ATF7IP: variants seen among roughly 807,000 people sequenced by gnomAD.
ATF7IP encodes activating transcription factor 7-interacting protein 1.
ATF7IP carries 23 observed loss-of-function variants against 106.4 expected under a neutral mutation model. The ratio of observed to expected loss-of-function variants is 0.22; its 90% CI spans 0.16 to 0.31. The LOEUF (loss-of-function observed/expected upper bound fraction) is 0.31. ATF7IP is among the 10% of genes least tolerant of loss of function. The pLI is 1.00. For missense variants in ATF7IP, 1,334 were observed against 1,524.3 expected (o/e 0.88, Z 2.08); for synonymous variants, 542 against 539.0 (o/e 1.01, Z -0.08).
chr12:14,438,309 T>C (rs759362057), intron 5 of ATF7IP, 42 bp downstream of exon 5: 3 of 1,482,998 alleles, frequency 2.0e-6, no homozygotes, highest in Admixed American at 2.1e-5. Flanking sequence ...TGTGTCATTG[T>C]TTTTATAACT....
chr12:14,457,111 CT>C, intron 7 of ATF7IP, 95 bp from the exon 8 acceptor site: 29 of 1,062,140 alleles, frequency 2.7e-5, no homozygotes, highest in Non-Finnish European at 3.5e-5. Context: ...TCTAGCCACC[CT>C]TTTTCCCCTG....
chr12:14,454,991 C>T (rs1210432545), intron 6 of ATF7IP, among the ~76,000 whole-genome samples: 1 of 152,058 alleles, frequency 6.6e-6, no homozygotes, highest in East Asian at 1.9e-4. Flanking sequence ...CCAGCCTGGT[C>T]AACATGGCAA....
intron 4 of ATF7IP, among the ~76,000 whole-genome samples, chr12:14,437,314 T>C (rs1031168437): frequency 2.6e-5 from 4 of 152,218 alleles, no homozygotes; most frequent in Non-Finnish European, 5.9e-5. Context: ...AAATATAGCA[T>C]ACATATTTGC....
intron 1 of ATF7IP, among the ~76,000 whole-genome samples, chr12:14,404,940 A>G (rs1044108764): frequency 3.9e-5 from 6 of 152,274 alleles, no homozygotes; most frequent in Non-Finnish European, 8.8e-5. Flanking sequence ...CTAAGTGGCA[A>G]TTCTTGGTTT....
chr12:14,434,186 C>A (rs750216286), intron 2 of ATF7IP, 151 bp from the exon 3 acceptor site: 6 of 567,176 alleles, frequency 1.1e-5, no homozygotes, highest in Non-Finnish European at 1.9e-5. Flanking sequence ...TCAGTTCCTG[C>A]TCCCCTTTTC....
In ATF7IP at chr12:14,424,438, A is replaced by T. The variant is rs551306942; in HGVS notation, c.523A>T (p.Thr175Ser). 2.5e-6 allele frequency: 4 copies of T among 1,612,568 alleles called. No homozygotes were observed. Among genetic ancestry groups the T allele is most frequent in the Admixed American group, 1.7e-5 (1 of 59,918 alleles). ...SSSDAASGDA[T>S]SGDAPSGDVS... ...TAGTGATGCTGCCTCTGGTGATGCAACCTCTGGTGATGCCCCTTCTGGTGA... is the reference window on the plus strand; with the variant it reads ...TAGTGATGCTGCCTCTGGTGATGCATCCTCTGGTGATGCCCCTTCTGGTGA... The change falls in exon 2 of 15, where the codon ACC (threonine) becomes TCC (serine). Residue 175 changes from threonine (T) to serine (S), a missense_variant. Thr to Ser is a moderately conservative substitution (Grantham distance 58). Coordinates refer to ENST00000261168, the MANE Select transcript of ATF7IP (RefSeq NM_018179.5).
intron 8 of ATF7IP, among the ~76,000 whole-genome samples, chr12:14,459,637 C>T (rs185047469): frequency 2.1e-3 from 318 of 152,298 alleles, no homozygotes; most frequent in Non-Finnish European, 4.0e-3. Flanking sequence ...ACATTGCAAA[C>T]TCCCTGAAAG....
At chr12:14,452,397 C>G (rs1943239825) in intron 6 of ATF7IP, among the ~76,000 whole-genome samples, 1 of 151,940 alleles carries the variant, frequency 6.6e-6, no homozygotes, top group Admixed American at 6.6e-5. Flanking sequence ...TTCTCTATGA[C>G]TTGTAGCTTT....
chr12:14,483,591 G>GTGGAT (rs1944496048), intron 13 of ATF7IP, among the ~76,000 whole-genome samples: 1 of 152,142 alleles, frequency 6.6e-6, no homozygotes, highest in Non-Finnish European at 1.5e-5. Flanking sequence ...AATTTTGCTA[G>GTGGAT]TGGATCCCTA....
chr12:14,409,396 T>C (rs903306179), intron 1 of ATF7IP, among the ~76,000 whole-genome samples: 10 of 152,114 alleles, frequency 6.6e-5, no homozygotes, highest in Non-Finnish European at 1.0e-4. Context: ...TTGGTTATAG[T>C]ACCATTTTAT....
intron 13 of ATF7IP, among the ~76,000 whole-genome samples, chr12:14,489,895 G>A (rs1002587870): frequency 7.9e-5 from 12 of 152,166 alleles, no homozygotes; most frequent in Non-Finnish European, 1.2e-4. Flanking sequence ...TGCAGCATAG[G>A]CAAACCCATA....
At chr12:14,464,691 A>G (rs1271962319) in intron 9 of ATF7IP, among the ~76,000 whole-genome samples, 1 of 152,184 alleles carries the variant, frequency 6.6e-6, no homozygotes, top group African/African-American at 2.4e-5. Context: ...AAGATGTTAC[A>G]TTAAGAATCA....
intron 13 of ATF7IP, chr12:14,481,535 A>G (rs1455398018): frequency 1.0e-5 from 4 of 391,188 alleles, no homozygotes; most frequent in Admixed American, 7.2e-5. Context: ...ATTTTTGTCA[A>G]TTAAAAAATA....
intron 8 of ATF7IP, among the ~76,000 whole-genome samples, chr12:14,457,682 T>TA (rs1340806440): frequency 6.6e-6 from 1 of 152,206 alleles, no homozygotes; most frequent in African/African-American, 2.4e-5. Context: ...CTTAAAAAAT[T>TA]ATTAAGAACC....
intron 13 of ATF7IP, among the ~76,000 whole-genome samples, chr12:14,484,899 C>G (rs1019482276): frequency 2.6e-5 from 4 of 152,190 alleles, no homozygotes; most frequent in Non-Finnish European, 5.9e-5. Flanking sequence ...TGATAGTCAT[C>G]TCAGGTCACA....
At chr12:14,401,306 C>T (rs1452298959) in intron 1 of ATF7IP, among the ~76,000 whole-genome samples, 1 of 152,104 alleles carries the variant, frequency 6.6e-6, no homozygotes, top group Non-Finnish European at 1.5e-5. Context: ...AAGTGATTCT[C>T]CTGCCTCAGC....
chr12:14,402,450 CT>C (rs1321052077), intron 1 of ATF7IP, among the ~76,000 whole-genome samples: 2 of 151,572 alleles, frequency 1.3e-5, no homozygotes, highest in Non-Finnish European at 1.5e-5. Context: ...AAAAATTCCC[CT>C]TTTTTTTCTT....
Position 14,496,239 on chromosome 12 carries a change from G to C in ATF7IP, c.3289G>C (p.Val1097Leu). The change falls in exon 14 of 15, where the codon GTT becomes CTT. Residue 1097 changes from valine (V) to leucine (L), a missense_variant. This residue lies in a region of ATF7IP where 370 missense variants were observed against 401.2 expected (regional missense o/e 0.92). Transcript: ENST00000261168. ...TTTTTGTTTGTTTGTAGGTGTTACA[G>C]TTCGAGTGCCTCAAACAACCACATA... Reference protein sequence around the residue: ...RQVNPQNSVTVRVPQTTTYVV... With the variant: ...RQVNPQNSVTLRVPQTTTYVV... The C allele has an allele frequency of 6.2e-7, 1 of 1,611,052 alleles. No homozygotes were observed. Among genetic ancestry groups the C allele is most frequent in the Non-Finnish European group, 8.5e-7 (1 of 1,177,762 alleles).
chr12:14,379,804 T>A (rs1353054252), intron 1 of ATF7IP, among the ~76,000 whole-genome samples: 2 of 152,208 alleles, frequency 1.3e-5, no homozygotes, highest in Non-Finnish European at 1.5e-5. Flanking sequence ...GATTTCAGAT[T>A]TCTCCTCTCA....
Sources: allele counts gnomAD v4.1 joint callset (sites outside exome capture counted in the v4.1 genomes callset), GRCh38; gene constraint gnomAD v4.1.1; regional missense constraint gnomAD v4.1.1; transcripts MANE v1.5; gene names NCBI Gene and HGNC (gene_info 2026-07-23, HGNC 2026-07-21).